The following PANK1 variants were observed in gnomAD, a reference collection of about 807,000 sequenced individuals.
PANK1 encodes pantothenic acid kinase 1.
PANK1 carries 18 observed loss-of-function variants against 40.1 expected under a neutral mutation model. The observed-to-expected ratio is 0.45, with a 90% CI of 0.31 to 0.67. PANK1 has a LOEUF of 0.67. Ranked by LOEUF, PANK1 falls within the 30% of genes least tolerant of loss-of-function variation. The pLI, the probability that PANK1 is intolerant of heterozygous loss-of-function variation, is 0.06. For synonymous variants in PANK1, 242 were observed against 237.7 expected, an observed-to-expected ratio of 1.02 and a Z score of -0.17; for missense variants, 457 against 599.6, an observed-to-expected ratio of 0.76 and a Z score of 2.48.
rs1184806988 is a variant in PANK1 at position 89,643,968 on chromosome 10, T to A, written c.292+632A>T. ...GTTGAAAAAAAAAATCCACCTCCAA[T>A]CCTCATTGGTCCACATAGTTCCGGC... On this transcript the variant is annotated intron_variant, in intron 1 of 6. Transcript: ENST00000307534. The A allele has an allele frequency of 5.9e-6, 5 of 849,008 alleles. No homozygotes were observed. In the East Asian group the frequency reaches 1.6e-4, roughly 27 times the overall value. 52.6% of individuals were successfully genotyped at this position (849,008 alleles called of 1,614,324 possible). A position where few individuals can be genotyped will look rare whatever the true frequency, so the allele number is the denominator to read the frequency against.
intron 1 of PANK1, among the ~76,000 whole-genome samples, chr10:89,625,180 C>T (rs981191871): frequency 6.6e-6 from 1 of 152,192 alleles, no homozygotes; most frequent in East Asian, 1.9e-4. Context: ...GAATTACAGG[C>T]ATGAGCCACC....
At chr10:89,639,903 G>GATGA (rs1841924567) in intron 1 of PANK1, among the ~76,000 whole-genome samples, 1 of 152,218 alleles carries the variant, frequency 6.6e-6, no homozygotes, top group African/African-American at 2.4e-5. Flanking sequence ...CAGACACATG[G>GATGA]ATGAGCATTT....
chr10:89,592,804 T>C (rs770689594), intron 5 of PANK1: 2 of 535,680 alleles, frequency 3.7e-6, no homozygotes, highest in South Asian at 2.8e-5. Flanking sequence ...AAGGCAACAC[T>C]GTAAAGAAGC....
intron 1 of PANK1, among the ~76,000 whole-genome samples, chr10:89,641,719 G>A (rs930331148): frequency 4.0e-5 from 6 of 150,748 alleles, no homozygotes; most frequent in Non-Finnish European, 8.8e-5. Context: ...GCGACAGAGC[G>A]AGAATCCGTC....
downstream of PANK1, chr10:89,580,320 C>T (rs535370589): frequency 5.9e-5 from 9 of 152,358 alleles, no homozygotes; most frequent in African/African-American, 2.2e-4. Context: ...TTTTGCTTTA[C>T]CACTTTGAAA....
chr10:89,626,697 G>C (rs993286947), intron 1 of PANK1: 1 of 152,142 alleles, frequency 6.6e-6, no homozygotes, highest in African/African-American at 2.4e-5. Flanking sequence ...TGACCACCAC[G>C]CATCTGTGTG....
chr10:89,621,571 G>A (rs1304941590), intron 1 of PANK1, among the ~76,000 whole-genome samples: 3 of 152,184 alleles, frequency 2.0e-5, no homozygotes, highest in Admixed American at 2.0e-4. Context: ...ATAGGTATCT[G>A]AGCCCATTTT....
chr10:89,599,606 AG>A (rs1844714626), intron 2 of PANK1, 101 bp from the exon 3 acceptor site: 3 of 1,133,762 alleles, frequency 2.6e-6, no homozygotes, highest in Non-Finnish European at 3.8e-6. Context: ...TCACATGAAA[AG>A]CATGGAGACA....
intron 3 of PANK1, among the ~76,000 whole-genome samples, chr10:89,595,826 AAAAAAAAATATATATATATATATATATAT>A (rs1166104481): frequency 1.3e-5 from 1 of 77,028 alleles, no homozygotes; most frequent in East Asian, 5.7e-4. Context: ...TAAAAAAAAA[AAAAAAAAATATATATATATATATATATAT>A]ATATATATAT....
chr10:89,609,117 T>C (rs555248029), intron 2 of PANK1, among the ~76,000 whole-genome samples: 1 of 152,288 alleles, frequency 6.6e-6, no homozygotes, highest in South Asian at 2.1e-4. Context: ...CAGGCTGGAG[T>C]GCAATGGCAC....
chr10:89,605,899 G>C (rs1199912870), intron 2 of PANK1, among the ~76,000 whole-genome samples: 1 of 151,938 alleles, frequency 6.6e-6, no homozygotes, highest in African/African-American at 2.4e-5. Flanking sequence ...ATTATTCCTT[G>C]ATTTATGGGC....
At chr10:89,598,159 A>G (rs1483022437) in intron 3 of PANK1, among the ~76,000 whole-genome samples, 1 of 152,204 alleles carries the variant, frequency 6.6e-6, no homozygotes, top group Admixed American at 6.5e-5. Context: ...CCAAAGAAAA[A>G]AAGATGTCAA....
intron 5 of PANK1, among the ~76,000 whole-genome samples, chr10:89,591,207 T>C (rs145834812): frequency 2.0e-5 from 3 of 152,092 alleles, no homozygotes; most frequent in African/African-American, 7.2e-5. Flanking sequence ...ACATACAATA[T>C]AAACAAAGAT....
intron 1 of PANK1, chr10:89,643,938 C>T: frequency 8.1e-7 from 1 of 1,232,660 alleles, no homozygotes; most frequent in Non-Finnish European, 1.1e-6. Flanking sequence ...TCAACCTCCC[C>T]CTTCGTTGAA....
At chr10:89,619,789 T>C (rs943125) in intron 1 of PANK1, among the ~76,000 whole-genome samples, 23,080 of 152,150 alleles carry the variant, frequency 0.15, 2,200 homozygotes, top group East Asian at 0.45. Context: ...TTTGTAAAGA[T>C]TTGTTAAGCA....
intron 2 of PANK1, 83 bp from the exon 3 acceptor site, chr10:89,599,588 G>A: frequency 7.6e-7 from 1 of 1,324,246 alleles, no homozygotes. Context: ...TATTTAAGAT[G>A]GGGTCATTCA....
intron 2 of PANK1, 73 bp from the exon 3 acceptor site, chr10:89,599,578 T>C: frequency 7.1e-7 from 1 of 1,401,668 alleles, no homozygotes; most frequent in Non-Finnish European, 9.8e-7. Context: ...CCAGAGGTTT[T>C]ATTTAAGATG....
intron 2 of PANK1, among the ~76,000 whole-genome samples, chr10:89,611,167 T>C (rs1303516933): frequency 1.3e-5 from 2 of 152,214 alleles, no homozygotes; most frequent in African/African-American, 4.8e-5. Flanking sequence ...AGGAATTCAC[T>C]GATAAGTAAT....
intron 2 of PANK1, 82 bp from the exon 3 acceptor site, chr10:89,599,587 TG>T: frequency 3.7e-6 from 5 of 1,338,986 alleles, no homozygotes; most frequent in Non-Finnish European, 5.2e-6. Flanking sequence ...TTATTTAAGA[TG>T]GGGTCATTCA....
Sources: gnomAD v4.1 joint callset for allele counts (sites outside exome capture counted in the v4.1 genomes callset) on GRCh38, gnomAD v4.1.1 for gene constraint, MANE v1.5 for transcripts, NCBI Gene and HGNC (gene_info 2026-07-23, HGNC 2026-07-21) for gene names.